ADAMTS19: variants seen among roughly 807,000 people sequenced by gnomAD.
ADAMTS19 encodes A disintegrin and metalloproteinase with thrombospondin motifs 19.
A neutral mutation model predicts 153.3 loss-of-function variants in ADAMTS19; 93 were observed. The ratio of observed to expected loss-of-function variants is 0.61; its 90% confidence interval spans 0.51 to 0.72. ADAMTS19 has a LOEUF of 0.72. Ranked by LOEUF, ADAMTS19 falls within the 30% of genes least tolerant of loss-of-function variation. The probability of loss-of-function intolerance (pLI) is 0.00; values close to 1 mark genes in which losing one functional copy is unlikely to be tolerated. For missense variants in ADAMTS19, 1,482 were observed against 1,552.1 expected (o/e 0.95, Z 0.76); for synonymous variants, 600 against 556.6 (o/e 1.08, Z -1.10).
intron 16 of ADAMTS19, among the ~76,000 whole-genome samples, chr5:129,674,834 C>A (rs566215996): frequency 1.3e-5 from 2 of 152,182 alleles, no homozygotes; most frequent in South Asian, 2.1e-4. Context: ...TATACATTTA[C>A]CACTATCAGC....
At chr5:129,730,132 A>G (rs1003901355) in intron 21 of ADAMTS19, among the ~76,000 whole-genome samples, 1 of 152,078 alleles carries the variant, frequency 6.6e-6, no homozygotes, top group Non-Finnish European at 1.5e-5. Flanking sequence ...GTCTTTATTT[A>G]TATGATTATA....
chr5:129,602,425 AT>A (rs1750704820), intron 8 of ADAMTS19, among the ~76,000 whole-genome samples: 1 of 152,178 alleles, frequency 6.6e-6, no homozygotes, highest in Admixed American at 6.5e-5. Context: ...CATATTTTAT[AT>A]TGAGTTGCCA....
At chr5:129,703,955 G>A (rs1756027575) in intron 20 of ADAMTS19, among the ~76,000 whole-genome samples, 2 of 151,966 alleles carry the variant, frequency 1.3e-5, no homozygotes, top group African/African-American at 4.8e-5. Context: ...TGATCATAGT[G>A]CATTATTTAT....
Position 129,461,213 on chromosome 5 carries a change from G to A in ADAMTS19, c.203G>A (p.Trp68Ter). Reference protein sequence around the residue: ...GGSGGSADPGWVRGVGGGGSA... With the variant: ...GGSGGSADPG ...AGCGGGGGCAGCGCGGACCCGGGCT[G>A]GGTGCGCGGCGTTGGGGGCGGCGGA... The change falls in exon 2 of 23, where the codon TGG becomes TAG. Residue 68 changes from tryptophan (W) to a stop codon, truncating the protein, a stop_gained. Coordinates refer to ENST00000274487, the MANE Select transcript of ADAMTS19 (RefSeq NM_133638.6). LOFTEE classifies it high-confidence loss of function. The surrounding 1 kb of genome is among the most constrained non-coding windows in gnomAD (Gnocchi z 4.6). The A allele has an allele frequency of 7.8e-7, 1 of 1,285,702 alleles. No homozygotes were observed. The highest frequency in any genetic ancestry group is 9.8e-7 in the Non-Finnish European group (1 of 1,022,774). 79.6% of individuals were successfully genotyped at this position (1,285,702 alleles called of 1,614,324 possible).
intron 6 of ADAMTS19, among the ~76,000 whole-genome samples, chr5:129,546,243 G>A (rs1460876517): frequency 2.7e-5 from 4 of 149,668 alleles, no homozygotes; most frequent in East Asian, 1.9e-4. Context: ...TGGTGGGGTG[G>A]GGGCAGGCGG....
intron 2 of ADAMTS19, among the ~76,000 whole-genome samples, chr5:129,497,371 T>C (rs1750958481): frequency 6.6e-6 from 1 of 152,064 alleles, no homozygotes; most frequent in African/African-American, 2.4e-5. Flanking sequence ...TATCCTCTTT[T>C]ACTGAATAAT....
Position 129,608,116 on chromosome 5 carries a change from G to GTGTATATATATATATATATATATA in ADAMTS19, c.1478+11453_1478+11454insGTATATATATATATATATATATAT, listed in dbSNP as rs377008786. Among the ~76,000 whole-genome samples, 143 of 47,876 alleles carry GTGTATATATATATATATATATATA rather than the reference G, an allele frequency of 3.0e-3. 3 individuals are homozygous for GTGTATATATATATATATATATATA. Among genetic ancestry groups the GTGTATATATATATATATATATATA allele is most frequent in the Middle Eastern group, 0.012 (1 of 84 alleles). 31.4% of individuals were successfully genotyped at this position (47,876 alleles called of 152,430 possible). A position where few individuals can be genotyped will look rare whatever the true frequency, so the allele number is the denominator to read the frequency against. On this transcript the variant is annotated intron_variant, in intron 8 of 22. Coordinates refer to ENST00000274487, the MANE Select transcript of ADAMTS19 (RefSeq NM_133638.6). The stretch of plus-strand genomic sequence containing the variant: ...TGTGTGTGTGTGTGTGTGTGTGTGT[G>GTGTATATATATATATATATATATA]TATATATATATATATATATATATAA...
At chr5:129,494,925 G>A (rs1033508967) in intron 2 of ADAMTS19, among the ~76,000 whole-genome samples, 1 of 152,106 alleles carries the variant, frequency 6.6e-6, no homozygotes, top group Non-Finnish European at 1.5e-5. Flanking sequence ...AGCATATGTA[G>A]TGAGAGTAAA....
At chr5:129,577,500 A>T (rs1749200640) in intron 7 of ADAMTS19, among the ~76,000 whole-genome samples, 1 of 152,128 alleles carries the variant, frequency 6.6e-6, no homozygotes, top group South Asian at 2.1e-4. Flanking sequence ...TATAATTTTA[A>T]ACAGAGTGAT....
chr5:129,713,029 A>G (rs1756552611), intron 21 of ADAMTS19, among the ~76,000 whole-genome samples: 1 of 152,204 alleles, frequency 6.6e-6, no homozygotes, highest in Non-Finnish European at 1.5e-5. Flanking sequence ...AATACTTTTG[A>G]TCACTATTCT....
intron 16 of ADAMTS19, among the ~76,000 whole-genome samples, chr5:129,670,435 A>G (rs1347222966): frequency 6.6e-6 from 1 of 152,158 alleles, no homozygotes; most frequent in African/African-American, 2.4e-5. Context: ...TGAAGTAGGC[A>G]TTATTAATTT....
At chr5:129,616,157 C>T (rs1409630703) in intron 8 of ADAMTS19, among the ~76,000 whole-genome samples, 1 of 151,782 alleles carries the variant, frequency 6.6e-6, no homozygotes. Flanking sequence ...AAATATGATA[C>T]AAAAATATAT....
At chr5:129,486,152 A>G (rs1416519412) in intron 2 of ADAMTS19, among the ~76,000 whole-genome samples, 1 of 152,152 alleles carries the variant, frequency 6.6e-6, no homozygotes, top group Non-Finnish European at 1.5e-5. Flanking sequence ...AAATGACTTC[A>G]TTGGTAAACT....
intron 2 of ADAMTS19, among the ~76,000 whole-genome samples, chr5:129,503,827 CA>C (rs985568552): frequency 6.2e-5 from 9 of 145,476 alleles, no homozygotes; most frequent in East Asian, 2.0e-4. Context: ...CACTCCATCT[CA>C]AAAAAAAAAG....
intron 3 of ADAMTS19, among the ~76,000 whole-genome samples, chr5:129,522,342 T>C (rs1187524615): frequency 1.7e-5 from 2 of 119,010 alleles, no homozygotes; most frequent in African/African-American, 6.5e-5. Context: ...CATATATATA[T>C]ATATATATAT....
intron 6 of ADAMTS19, among the ~76,000 whole-genome samples, chr5:129,533,678 T>G (rs1752298508): frequency 6.6e-6 from 1 of 152,150 alleles, no homozygotes; most frequent in East Asian, 1.9e-4. Flanking sequence ...TTCTTTTAAT[T>G]GTGATGTTAG....
At chr5:129,539,389 C>T (rs761634068) in intron 6 of ADAMTS19, among the ~76,000 whole-genome samples, 76 of 152,010 alleles carry the variant, frequency 5.0e-4, no homozygotes, top group Non-Finnish European at 1.0e-3. Flanking sequence ...TGTCTAGAAG[C>T]TGGAAAAGGC....
At chr5:129,576,597 T>C (rs1283677448) in intron 7 of ADAMTS19, among the ~76,000 whole-genome samples, 1 of 152,086 alleles carries the variant, frequency 6.6e-6, no homozygotes, top group Non-Finnish European at 1.5e-5. Context: ...TTTTTTTTTT[T>C]TTTAGTTAAA....
intron 7 of ADAMTS19, among the ~76,000 whole-genome samples, chr5:129,590,955 C>A (rs761605349): frequency 6.6e-6 from 1 of 152,198 alleles, no homozygotes; most frequent in Non-Finnish European, 1.5e-5. Context: ...TTAACACACC[C>A]TTTACTGAGG....
Sources: gnomAD v4.1 joint callset for allele counts (sites outside exome capture counted in the v4.1 genomes callset) on GRCh38, gnomAD v4.1.1 for gene constraint, Gnocchi (gnomAD v3.1) non-coding constraint, MANE v1.5 for transcripts, NCBI Gene and HGNC (gene_info 2026-07-23, HGNC 2026-07-21) for gene names.